PSMG2: variants seen among roughly 807,000 people sequenced by gnomAD.
PSMG2 encodes the protein proteasome assembly chaperone 2.
A neutral mutation model predicts 31.5 loss-of-function variants in PSMG2; 21 were observed. That is an observed-to-expected ratio of 0.67 (90% CI 0.47 to 0.96). The LOEUF is 0.96. Ranked by LOEUF, PSMG2 falls within the 40% of genes least tolerant of loss-of-function variation. PSMG2 has a pLI of 0.00. For missense variants in PSMG2, 318 were observed against 321.2 expected, an observed-to-expected ratio of 0.99 and a Z score of 0.08; for synonymous variants, 120 against 110.4, an observed-to-expected ratio of 1.09 and a Z score of -0.54.
intron 1 of PSMG2, chr18:12,678,372 G>T: frequency 1.2e-6 from 2 of 1,614,082 alleles, no homozygotes; most frequent in Non-Finnish European, 1.7e-6. Context: ...CCAATTGTTC[G>T]ATATGGGTAC....
chr18:12,690,462 G>T lies in PSMG2; in HGVS notation c.-36-16088G>T, dbSNP rs868586117. Among the ~76,000 whole-genome samples the T allele has an allele frequency of 1.6e-3, 229 of 146,790 alleles. 1 individual carries two copies. The highest frequency in any genetic ancestry group is 5.3e-3 in the African/African-American group (213 of 40,220). On this transcript the variant is annotated intron_variant, in intron 1 of 6. Coordinates refer to the PSMG2 transcript ENST00000585331. ...CGTGAACCTGACCACATTTTTTGTT[G>T]TTTTTTTTTTTGAGACGGAGTCTTG...
chr18:12,722,517 A>G (rs973954925), intron 5 of PSMG2, among the ~76,000 whole-genome samples: 8 of 152,170 alleles, frequency 5.3e-5, no homozygotes, highest in Non-Finnish European at 7.4e-5. Flanking sequence ...CTTCTTGGGT[A>G]TAGGGTGAAA....
intron 1 of PSMG2, chr18:12,674,701 G>A (rs1339841446): frequency 1.9e-6 from 3 of 1,613,918 alleles, no homozygotes; most frequent in Non-Finnish European, 2.5e-6. Flanking sequence ...AGCCAAAGCT[G>A]GTGATAAAAG....
At chr18:12,709,981 C>T (rs558757238) in intron 2 of PSMG2, among the ~76,000 whole-genome samples, 42 of 145,038 alleles carry the variant, frequency 2.9e-4, no homozygotes, top group African/African-American at 1.1e-3. Context: ...CTTGCTCTGT[C>T]GCCCAGTCTG....
At chr18:12,686,227 T>C (rs771969349) in intron 1 of PSMG2, 1 of 1,524,044 alleles carries the variant, frequency 6.6e-7, no homozygotes, top group Non-Finnish European at 9.0e-7. Flanking sequence ...AACTATGATA[T>C]ACTGCTACTT....
At chr18:12,713,999 C>G (rs549734279) in intron 3 of PSMG2, among the ~76,000 whole-genome samples, 1 of 152,184 alleles carries the variant, frequency 6.6e-6, no homozygotes, top group Non-Finnish European at 1.5e-5. Flanking sequence ...GATCCACCCA[C>G]CTTGGCCTTT....
rs773480287 is a variant in PSMG2, at chr18:12,724,650, T to C, written c.702+31T>C. ...TTCTATTATAGCTTAAGCCTCTTCT[T>C]TGTCTGGTTGTATTCATTAACTCGC... On this transcript the variant is annotated intron_variant, in intron 6 of 6. Coordinates refer to ENST00000317615, the MANE Select transcript of PSMG2 (RefSeq NM_020232.5). 2.6e-6 allele frequency: 4 copies of C among 1,551,838 alleles called. No individual in the cohort carries two copies. The East Asian group carries it at 7.2e-5, about 28-fold the overall frequency.
rs145259559 is a variant in PSMG2, at chr18:12,711,583, G to A, written c.230-1119G>A. Among the ~76,000 whole-genome samples the A allele has an allele frequency of 1.1e-3, 170 of 152,148 alleles. 1 individual carries two copies. Among genetic ancestry groups the A allele is most frequent in the East Asian group, 7.2e-3 (37 of 5,168 alleles). On this transcript the variant is annotated intron_variant, in intron 2 of 6. Transcript: ENST00000317615. ...CCCCCAGTCACACCACATCACGCCA[G>A]CCATAGGAGACAATTTCCGAAAGAC... is the stretch of plus-strand genomic sequence containing the variant.
At chr18:12,673,311 C>A in intron 1 of PSMG2, 2 of 1,557,824 alleles carry the variant, frequency 1.3e-6, no homozygotes, top group Non-Finnish European at 1.7e-6. Flanking sequence ...AAGTAATGTA[C>A]AATGTGTAAA....
chr18:12,702,735 G>T (rs1247084563), upstream of PSMG2: 1 of 631,580 alleles, frequency 1.6e-6, no homozygotes, highest in Admixed American at 3.3e-5. Flanking sequence ...AGGCCCCGGC[G>T]GCGGCGGCGC....
At position 12,690,238 on chromosome 18, in the gene PSMG2, C is replaced by A. The variant is rs142545083; in HGVS notation, c.-36-16312C>A. On this transcript the variant is annotated intron_variant, in intron 1 of 6. Coordinates refer to the PSMG2 transcript ENST00000585331. Reference sequence around the variant, plus strand: ...CCCACCTCTAGTCAACCTCTCATTCCCAAGCTCCCCATCTGGACACTAAAC... The same window carrying A: ...CCCACCTCTAGTCAACCTCTCATTCACAAGCTCCCCATCTGGACACTAAAC... Among the ~76,000 whole-genome samples, 29 of 152,282 alleles carry A rather than the reference C, an allele frequency of 1.9e-4. No homozygotes were observed. The East Asian group carries it at 5.0e-3, about 26-fold the overall frequency.
chr18:12,711,839 C>T (rs2040335449), intron 2 of PSMG2, among the ~76,000 whole-genome samples: 1 of 150,334 alleles, frequency 6.7e-6, no homozygotes. Context: ...CTGCAAGCTC[C>T]GCCCCCCGGG....
chr18:12,699,252 G>T, upstream of PSMG2: 2 of 1,269,140 alleles, frequency 1.6e-6, no homozygotes, highest in Admixed American at 2.0e-5. Flanking sequence ...TAACTTAAAA[G>T]AATGTGATCA....
chr18:12,689,029 A>T (rs370482526), intron 1 of PSMG2, among the ~76,000 whole-genome samples: 87 of 152,134 alleles, frequency 5.7e-4, no homozygotes, highest in African/African-American at 1.9e-3. Flanking sequence ...CAGGAGAATC[A>T]CTTGAATCTG....
chr18:12,723,091 A>G (rs1245897466), intron 5 of PSMG2, among the ~76,000 whole-genome samples: 1 of 152,262 alleles, frequency 6.6e-6, no homozygotes, highest in Non-Finnish European at 1.5e-5. Context: ...GACAGAAACT[A>G]AAGTTAGCCT....
At position 12,712,757 on chromosome 18, in the gene PSMG2, T is replaced by G; in HGVS notation, c.285T>G (p.Ile95Met). ...LVALQLRSIF[I>M]KYKSKPFCEK... The stretch of plus-strand genomic sequence containing the variant: ...CTCTACAGTTAAGATCCATTTTTAT[T>G]AAGGTTAGTATGTTGTAGTTTGCCT... Residue 95 changes from isoleucine to methionine, a missense_variant, in exon 3 of 7, where the codon ATT becomes ATG. Physicochemically the swap from Ile to Met is conservative, Grantham distance 10. Transcript: ENST00000317615. 6.2e-7 allele frequency: 1 copy of G among 1,603,148 alleles called. No homozygotes were observed. The highest frequency in any genetic ancestry group is 8.5e-7 in the Non-Finnish European group (1 of 1,171,462).
chr18:12,689,895 T>A (rs2039688000), intron 1 of PSMG2, among the ~76,000 whole-genome samples: 2 of 152,254 alleles, frequency 1.3e-5, no homozygotes, highest in South Asian at 4.2e-4. Flanking sequence ...GTTAAGCAAT[T>A]CTCCTGCCTC....
Position 12,725,490 on chromosome 18 carries a change from A to G in PSMG2, c.754A>G (p.Arg252Gly). The G allele has an allele frequency of 6.2e-7, 1 of 1,607,894 alleles. No homozygotes were observed. Among genetic ancestry groups the G allele is most frequent in the Non-Finnish European group, 8.5e-7 (1 of 1,174,564 alleles). Residue 252 changes from arginine to glycine, a missense_variant, in exon 7 of 7, where the codon AGA becomes GGA. Physicochemically the swap from Arg to Gly is moderately radical, Grantham distance 125 (BLOSUM62 -2). Transcript: ENST00000317615. ...ACGGTGGAAAATACCAAGTTCTTGGAGATTACTCTTTGGCAGTGGTCTTCC... is the reference window on the plus strand; with the variant it reads ...ACGGTGGAAAATACCAAGTTCTTGGGGATTACTCTTTGGCAGTGGTCTTCC... ...ASRWKIPSSW[R>G]LLFGSGLPPA...
At chr18:12,688,057 CAT>C (rs1183782618) in intron 1 of PSMG2, among the ~76,000 whole-genome samples, 42 of 151,790 alleles carry the variant, frequency 2.8e-4, no homozygotes, top group African/African-American at 9.2e-4. Flanking sequence ...TCCTGGCTAA[CAT>C]GGTGAAACCC....
Sources: allele counts gnomAD v4.1 joint callset (sites outside exome capture counted in the v4.1 genomes callset), GRCh38; gene constraint gnomAD v4.1.1; transcripts MANE v1.5; gene names NCBI Gene and HGNC (gene_info 2026-07-23, HGNC 2026-07-21).